RAB18: variants seen among roughly 807,000 people sequenced by gnomAD.
RAB18 encodes ras-related protein Rab-18.
A neutral mutation model predicts 28.5 loss-of-function variants in RAB18; 10 were observed. The observed-to-expected ratio is 0.35, with a 90% CI of 0.22 to 0.60. The LOEUF (loss-of-function observed/expected upper bound fraction) is 0.60, where lower values mean the gene tolerates loss of function less well. Among genes scored for constraint, RAB18 ranks in the 20% least tolerant of loss-of-function variants. The pLI is 0.78. For synonymous variants in RAB18, 93 were observed against 86.9 expected (o/e 1.07, Z -0.39); for missense variants, 188 against 244.2 (o/e 0.77, Z 1.53).
intron 2 of RAB18, among the ~76,000 whole-genome samples, chr10:27,513,512 A>T (rs929169771): frequency 5.3e-5 from 8 of 152,174 alleles, no homozygotes; most frequent in African/African-American, 1.9e-4. Context: ...CTTTTAAGAT[A>T]ATTGTTGGAT....
intron 2 of RAB18, among the ~76,000 whole-genome samples, chr10:27,522,132 G>T (rs1431641557): frequency 6.6e-6 from 1 of 152,068 alleles, no homozygotes; most frequent in Non-Finnish European, 1.5e-5. Flanking sequence ...TTCAGTGGAG[G>T]GCTTGTGTTT....
At position 27,539,193 on chromosome 10, in the gene RAB18, T is replaced by A. The variant is rs1226652956; in HGVS notation, c.*1142T>A. The stretch of plus-strand genomic sequence containing the variant: ...TTTCTCACCTCTTGCTATTGTATAT[T>A]GTAGATTTTTTTCATTCATGTGTTA... On this transcript the variant is annotated 3_prime_UTR_variant, in exon 7 of 7. Transcript: ENST00000356940. The A allele has an allele frequency of 3.0e-6, 1 of 336,376 alleles. No individual in the cohort carries two copies. Among genetic ancestry groups the A allele is most frequent in the Non-Finnish European group, 5.8e-6 (1 of 173,256 alleles). 20.8% of individuals were successfully genotyped at this position (336,376 alleles called of 1,614,324 possible). A position where few individuals can be genotyped will look rare whatever the true frequency, so the allele number is the denominator to read the frequency against.
chr10:27,541,590 C>A lies in RAB18; in HGVS notation c.*3539C>A. The stretch of plus-strand genomic sequence containing the variant: ...GAATAGTCGTGTGTTCATGCCTGTT[C>A]TCAGTCTTGTCCCCTTTACCGTTTC... On this transcript the variant is annotated 3_prime_UTR_variant, in exon 7 of 7. Transcript: ENST00000356940. The A allele has an allele frequency of 4.4e-6, 2 of 453,294 alleles. No individual in the cohort carries two copies. Among genetic ancestry groups the A allele is most frequent in the South Asian group, 1.6e-5 (1 of 64,440 alleles). The allele number at this position is 453,294 out of a possible 1,614,324, so 28.1% of individuals were successfully genotyped here.
rs905698705 is a variant in RAB18 at position 27,542,117 on chromosome 10, C to A, written c.*4066C>A. 2 of 453,880 alleles carry A rather than the reference C, an allele frequency of 4.4e-6. No homozygotes were observed. Among genetic ancestry groups the A allele is most frequent in the Non-Finnish European group, 8.8e-6 (2 of 226,782 alleles). The allele number at this position is 453,880 out of a possible 1,614,324, so 28.1% of individuals were successfully genotyped here. ...ATAAAGGAACCAGCCTGAGGCAGTACCAGGGTGAGAGGGAGTCTATTGGAG... is the reference window on the plus strand; with the variant it reads ...ATAAAGGAACCAGCCTGAGGCAGTAACAGGGTGAGAGGGAGTCTATTGGAG... On this transcript the variant is annotated 3_prime_UTR_variant, in exon 7 of 7. Transcript: ENST00000356940.
chr10:27,513,640 C>G (rs1834372218), intron 2 of RAB18, among the ~76,000 whole-genome samples: 1 of 152,052 alleles, frequency 6.6e-6, no homozygotes, highest in South Asian at 2.1e-4. Context: ...AACTAGAAGA[C>G]AGTTAAAAAC....
chr10:27,504,995 T>G, intron 1 of RAB18: 1 of 533,600 alleles, frequency 1.9e-6, no homozygotes, highest in South Asian at 1.4e-5. Context: ...GTGAAAGAAC[T>G]GGATCTTGTG....
intron 1 of RAB18, among the ~76,000 whole-genome samples, chr10:27,507,341 C>A (rs2138964282): frequency 6.6e-6 from 1 of 152,250 alleles, no homozygotes; most frequent in East Asian, 1.9e-4. Flanking sequence ...CTTGTGTGAC[C>A]TTGTGTGTGA....
intron 3 of RAB18, among the ~76,000 whole-genome samples, chr10:27,532,211 A>G (rs1834802139): frequency 1.3e-5 from 2 of 152,052 alleles, no homozygotes; most frequent in African/African-American, 4.8e-5. Context: ...AGAAAATTTC[A>G]TTGTGCAGCT....
At chr10:27,512,033 T>TC (rs1230030011) in intron 2 of RAB18, among the ~76,000 whole-genome samples, 1 of 151,622 alleles carries the variant, frequency 6.6e-6, no homozygotes, top group Non-Finnish European at 1.5e-5. Flanking sequence ...CAAGTGATCC[T>TC]CCTGCCTCAG....
intron 3 of RAB18, chr10:27,528,279 A>G (rs1214449215): frequency 2.0e-6 from 1 of 491,414 alleles, no homozygotes; most frequent in African/African-American, 1.9e-5. Context: ...TTGAAGAGAC[A>G]TTTTTACCAT....
intron 1 of RAB18, among the ~76,000 whole-genome samples, chr10:27,508,352 A>G (rs1366726737): frequency 1.2e-4 from 18 of 152,260 alleles, no homozygotes; most frequent in Admixed American, 1.2e-3. Context: ...TTGTGTCTGC[A>G]CATTGCCATA....
Position 27,534,902 on chromosome 10 carries a change from T to G in RAB18, c.445+908T>G, listed in dbSNP as rs1012922674. Reference sequence around the variant, plus strand: ...AGGAATCGAGTACTTTTACTTGCTGTATGTCCCTCATTTCCATACATTAGT... The same window carrying G: ...AGGAATCGAGTACTTTTACTTGCTGGATGTCCCTCATTTCCATACATTAGT... On this transcript the variant is annotated intron_variant, in intron 6 of 6. Transcript: ENST00000356940. Among the ~76,000 whole-genome samples, 3 of 152,258 alleles carry G rather than the reference T, an allele frequency of 2.0e-5. No individual in the cohort carries two copies. In the South Asian group the frequency reaches 6.2e-4, roughly 31 times the overall value.
At position 27,539,492 on chromosome 10, in the gene RAB18, A is replaced by G; in HGVS notation, c.*1441A>G. 2 of 340,276 alleles carry G rather than the reference A, an allele frequency of 5.9e-6. No homozygotes were observed. Among genetic ancestry groups the G allele is most frequent in the Non-Finnish European group, 1.1e-5 (2 of 177,194 alleles). The allele number at this position is 340,276 out of a possible 1,614,324, so 21.1% of individuals were successfully genotyped here. ...ATTTACACTTCCTAGTCTACATTAC[A>G]TGTGGTTGAAGGTTTTATACATTCT... On this transcript the variant is annotated 3_prime_UTR_variant, in exon 7 of 7. Transcript: ENST00000356940.
intron 2 of RAB18, among the ~76,000 whole-genome samples, chr10:27,519,657 T>A (rs965457340): frequency 6.6e-6 from 1 of 152,064 alleles, no homozygotes; most frequent in Non-Finnish European, 1.5e-5. Context: ...ACAAAATACT[T>A]TCAGATTAAT....
chr10:27,536,493 C>T (rs1422131508), intron 6 of RAB18, among the ~76,000 whole-genome samples: 1 of 151,660 alleles, frequency 6.6e-6, no homozygotes, highest in Non-Finnish European at 1.5e-5. Context: ...TGCAGTGGAG[C>T]TCCCACTGCA....
chr10:27,504,774 C>T (rs1354277790), intron 1 of RAB18: 3 of 554,912 alleles, frequency 5.4e-6, no homozygotes, highest in Non-Finnish European at 1.1e-5. Flanking sequence ...GGCCCGAATC[C>T]GGCCGGGGGC....
chr10:27,534,949 C>T (rs1459205201), intron 6 of RAB18, among the ~76,000 whole-genome samples: 1 of 152,192 alleles, frequency 6.6e-6, no homozygotes, highest in Non-Finnish European at 1.5e-5. Context: ...TTATTGAACA[C>T]TCAAGATGTA....
chr10:27,533,794 G>A lies in RAB18; in HGVS notation c.319G>A (p.Glu107Lys), dbSNP rs774821644. 1 of 1,613,716 alleles carries A rather than the reference G, an allele frequency of 6.2e-7. No individual in the cohort carries two copies. The highest frequency in any genetic ancestry group is 2.2e-5 in the East Asian group (1 of 44,786). ...VKLDNWLNELETYCTRNDIVN... is the reference protein window; with the variant it reads ...VKLDNWLNELKTYCTRNDIVN... ...ACTGGATAATTGGTTAAATGAATTG[G>A]AAACATACTGTACAAGAAATGACAT... Residue 107 changes from glutamate (E) to lysine (K), a missense_variant, in exon 5 of 7, where the codon GAA becomes AAA. By Grantham distance (56) the Glu-to-Lys change is moderately conservative. Transcript: ENST00000356940.
At chr10:27,527,006 T>C (rs747866384) in intron 3 of RAB18, 117 bp downstream of exon 3, 1 of 1,119,092 alleles carries the variant, frequency 8.9e-7, no homozygotes, top group South Asian at 1.2e-5. Flanking sequence ...AAATAACTTT[T>C]GGGAGATTTG....
Sources: allele counts gnomAD v4.1 joint callset (sites outside exome capture counted in the v4.1 genomes callset), GRCh38; gene constraint gnomAD v4.1.1; transcripts MANE v1.5; gene names NCBI Gene and HGNC (gene_info 2026-07-23, HGNC 2026-07-21).